The following VIT variants were observed in gnomAD, a reference collection of about 807,000 sequenced individuals.
VIT encodes the protein vitrin.
VIT carries 99 observed loss-of-function variants against 78.0 expected under a neutral mutation model. That is an observed-to-expected ratio of 1.27 (90% confidence interval 1.08 to 1.50). The LOEUF (loss-of-function observed/expected upper bound fraction) is 1.50. Among genes scored for constraint, VIT ranks in the 40% most tolerant of loss-of-function variants. The probability of loss-of-function intolerance (pLI) is 0.00; values close to 1 mark genes in which losing one functional copy is unlikely to be tolerated. For missense variants in VIT, 1,126 were observed against 875.3 expected (o/e 1.29, Z -3.61); for synonymous variants, 374 against 334.3 (o/e 1.12, Z -1.29).
chr2:36,781,578 G>A (rs1231419244), intron 9 of VIT, 149 bp from the exon 10 acceptor site: 6 of 692,258 alleles, frequency 8.7e-6, no homozygotes, highest in Non-Finnish European at 1.4e-5. Flanking sequence ...ACAGATTTCA[G>A]GTTGCTTCAT....
At chr2:36,752,291 C>A (rs1668509705) in intron 4 of VIT, among the ~76,000 whole-genome samples, 1 of 152,150 alleles carries the variant, frequency 6.6e-6, no homozygotes, top group African/African-American at 2.4e-5. Context: ...AGACCAGCTC[C>A]ATGCAGGACA....
intron 12 of VIT, among the ~76,000 whole-genome samples, chr2:36,793,361 C>G (rs1665638656): frequency 6.6e-6 from 1 of 152,228 alleles, no homozygotes; most frequent in South Asian, 2.1e-4. Flanking sequence ...TCCTCCTTCT[C>G]TGATGGTGGG....
rs931494422 is a variant in VIT, at chr2:36,759,394, G to A, written c.487+348G>A. ...TCCTGGCAGCTAAAAGGAAAAAGCT[G>A]TATCTACTTAGATATGAAATGAAGA... On this transcript the variant is annotated intron_variant, in intron 6 of 15. Transcript: ENST00000379242. 5 of 1,368,856 alleles carry A rather than the reference G, an allele frequency of 3.7e-6. No homozygotes were observed. The African/African-American group carries it at 5.9e-5, about 16-fold the overall frequency. The allele number at this position is 1,368,856 out of a possible 1,614,324, so 84.8% of individuals were successfully genotyped here. A position where few individuals can be genotyped will look rare whatever the true frequency, so the allele number is the denominator to read the frequency against.
intron 2 of VIT, among the ~76,000 whole-genome samples, chr2:36,721,600 G>A (rs757284123): frequency 3.9e-5 from 6 of 152,080 alleles, no homozygotes; most frequent in Non-Finnish European, 8.8e-5. Context: ...AGGATGCAGC[G>A]CAAGTTTCTT....
At chr2:36,728,812 C>CAAAAAAAAA (rs768222712) in intron 2 of VIT, among the ~76,000 whole-genome samples, 133 of 3,410 alleles carry the variant, frequency 0.039, 40 homozygotes, top group Non-Finnish European at 0.097. Context: ...GACTCCGTCT[C>CAAAAAAAAA]AAAAAAAAAA....
intron 3 of VIT, among the ~76,000 whole-genome samples, chr2:36,730,821 A>G (rs1667156437): frequency 1.3e-5 from 2 of 152,222 alleles, no homozygotes; most frequent in South Asian, 4.1e-4. Context: ...CAAAGGCGTG[A>G]AAGTCCCTAA....
chr2:36,716,428 T>C lies in VIT; in HGVS notation c.52+6T>C. 1.2e-6 allele frequency: 2 copies of C among 1,613,576 alleles called. No homozygotes were observed. Among genetic ancestry groups the C allele is most frequent in the South Asian group, 1.1e-5 (1 of 91,036 alleles). ...TGTTATTGAAATGTTCCTTGGTAAG[T>C]ACTTTTATATGTGTATCTGGATACC... On this transcript the variant is annotated splice_donor_region_variant and intron_variant, in intron 2 of 15. Transcript: ENST00000379242.
chr2:36,772,412 T>C (rs184841966), intron 7 of VIT, among the ~76,000 whole-genome samples: 1 of 152,298 alleles, frequency 6.6e-6, no homozygotes, highest in Non-Finnish European at 1.5e-5. Flanking sequence ...GGCACATGCT[T>C]GTAATCCCAG....
intron 1 of VIT, among the ~76,000 whole-genome samples, chr2:36,714,563 ATCTG>A (rs1286964008): frequency 6.6e-6 from 1 of 152,192 alleles, no homozygotes; most frequent in Non-Finnish European, 1.5e-5. Context: ...AGTGGAAGCC[ATCTG>A]TCCAGAGGGG....
chr2:36,697,568 G>T (rs1295037431), intron 1 of VIT, among the ~76,000 whole-genome samples: 1 of 152,068 alleles, frequency 6.6e-6, no homozygotes, highest in African/African-American at 2.4e-5. Context: ...CCCAACAAGG[G>T]GCTGGCATTG....
intron 10 of VIT, among the ~76,000 whole-genome samples, chr2:36,783,086 G>A (rs1664865682): frequency 6.6e-6 from 1 of 152,194 alleles, no homozygotes; most frequent in Non-Finnish European, 1.5e-5. Context: ...TCAGAATAAA[G>A]AATAAATTAA....
chr2:36,808,387 C>T lies in VIT; in HGVS notation c.1390-85C>T, dbSNP rs1666885726. The T allele has an allele frequency of 2.0e-6, 3 of 1,485,104 alleles. No homozygotes were observed. The South Asian group carries it at 4.2e-5, about 21-fold the overall frequency. The allele number at this position is 1,485,104 out of a possible 1,614,324, so 92.0% of individuals were successfully genotyped here. A position where few individuals can be genotyped will look rare whatever the true frequency, so the allele number is the denominator to read the frequency against. On this transcript the variant is annotated intron_variant, in intron 14 of 15. Coordinates refer to ENST00000379242, the MANE Select transcript of VIT (RefSeq NM_053276.4). ...GAAAACAAGGGCCTGCTTGCTTCTT[C>T]ACCTGCCCCGGGGGATCAAGCCTAA... is the stretch of plus-strand genomic sequence containing the variant.
chr2:36,805,442 G>A lies in VIT; in HGVS notation c.1167G>A (p.Arg389=), dbSNP rs1325559262. The change falls in exon 14 of 16, where the codon CGG becomes CGA. Residue 389 remains arginine (R), a synonymous_variant. Transcript: ENST00000379242. ...TGAATTTTCTTTTTCTTCCAGGTCG[G>A]GCCATCTCCTTTGTGACCAAGAACT... is the stretch of plus-strand genomic sequence containing the variant. ...TQRGGLSNVG[R]AISFVTKNFF... is the part of the protein sequence containing the mutation. The A allele has an allele frequency of 1.2e-6, 2 of 1,606,848 alleles. No homozygotes were observed. Among genetic ancestry groups the A allele is most frequent in the Non-Finnish European group, 1.7e-6 (2 of 1,176,664 alleles).
At chr2:36,813,342 G>A (rs976128862) in intron 15 of VIT, among the ~76,000 whole-genome samples, 8 of 152,054 alleles carry the variant, frequency 5.3e-5, no homozygotes, top group African/African-American at 1.7e-4. Flanking sequence ...CTAGCTACTC[G>A]GGAGGCTGAG....
chr2:36,809,066 T>A (rs1034592318), intron 15 of VIT, 81 bp downstream of exon 15: 26 of 1,496,056 alleles, frequency 1.7e-5, no homozygotes, highest in Non-Finnish European at 2.3e-5. Flanking sequence ...GAAGGTATTG[T>A]CTTTTTATGC....
intron 13 of VIT, 71 bp downstream of exon 13, chr2:36,801,475 C>T: frequency 7.5e-7 from 1 of 1,334,960 alleles, no homozygotes; most frequent in South Asian, 1.2e-5. Context: ...GTCTTCTAAC[C>T]ATTCTATATA....
At chr2:36,786,567 G>C (rs759779357) in intron 11 of VIT, among the ~76,000 whole-genome samples, 13 of 152,194 alleles carry the variant, frequency 8.5e-5, no homozygotes, top group Non-Finnish European at 1.5e-5. Context: ...CTACGAACAA[G>C]GGCTGACATC....
intron 12 of VIT, among the ~76,000 whole-genome samples, chr2:36,795,342 CTTATT>C (rs1219296983): frequency 1.1e-4 from 17 of 148,524 alleles, no homozygotes; most frequent in Middle Eastern, 3.5e-3. Context: ...AACACTCTGC[CTTATT>C]TTATTTTATT....
rs151091861 is a variant in VIT at position 36,739,895 on chromosome 2, G to A, written c.119-3205G>A. Among the ~76,000 whole-genome samples the A allele has an allele frequency of 4.6e-3, 695 of 152,232 alleles. 4 individuals are homozygous for A. The highest frequency in any genetic ancestry group is 6.2e-3 in the Non-Finnish European group (420 of 68,008). ...ACGGACGCTAGCAACTGTCCAGTCC[G>A]GAAGGAATGGAAGAGGCTTTTGTCT... On this transcript the variant is annotated intron_variant, in intron 3 of 15. Transcript: ENST00000379242.
Sources: allele counts gnomAD v4.1 joint callset (sites outside exome capture counted in the v4.1 genomes callset), GRCh38; gene constraint gnomAD v4.1.1; transcripts MANE v1.5; gene names NCBI Gene and HGNC (gene_info 2026-07-23, HGNC 2026-07-21).